CEP131: variants seen among roughly 807,000 people sequenced by gnomAD.
CEP131 encodes the protein centrosomal protein 131.
A neutral mutation model predicts 136.8 loss-of-function variants in CEP131; 99 were observed. The observed-to-expected ratio is 0.72, with a 90% CI of 0.62 to 0.86. The LOEUF (loss-of-function observed/expected upper bound fraction) is 0.86, where lower values mean the gene tolerates loss of function less well. CEP131 is among the 40% of genes least tolerant of loss of function. The pLI is 0.00. For missense variants in CEP131, 1,459 were observed against 1,463.0 expected (o/e 1.00, Z 0.04); for synonymous variants, 646 against 612.7 (o/e 1.05, Z -0.80).
chr17:81,198,501 G>T (rs566313151), intron 11 of CEP131, among the ~76,000 whole-genome samples: 4 of 152,166 alleles, frequency 2.6e-5, no homozygotes, highest in Non-Finnish European at 5.9e-5. Context: ...CAGCCACCAG[G>T]GGACTCCTCC....
chr17:81,204,974 T>C (rs1417660442), intron 5 of CEP131, among the ~76,000 whole-genome samples: 1 of 152,176 alleles, frequency 6.6e-6, no homozygotes, highest in African/African-American at 2.4e-5. Context: ...AATAAAACAC[T>C]AAATGGCCGG....
At position 81,208,197 on chromosome 17, in the gene CEP131, AG is replaced by A. The variant is rs1470162009; in HGVS notation, c.272+730del. Among the ~76,000 whole-genome samples, 1 of 151,496 alleles carries A rather than the reference AG, an allele frequency of 6.6e-6. No homozygotes were observed. Among genetic ancestry groups the A allele is most frequent in the East Asian group, 2.0e-4 (1 of 5,106 alleles). On this transcript the variant is annotated intron_variant, in intron 3 of 25. Transcript: ENST00000450824. The surrounding 1 kb of genome is among the most constrained non-coding windows in gnomAD (Gnocchi z 5.6). The stretch of plus-strand genomic sequence containing the variant: ...TGGGACTCCACGAAGCTAGTTGCTG[AG>A]CTAAGAGCGGCTCCCGGAGGCTGCA...
intron 2 of CEP131, among the ~76,000 whole-genome samples, chr17:81,216,581 G>A (rs890575717): frequency 1.3e-5 from 2 of 152,148 alleles, no homozygotes; most frequent in Non-Finnish European, 2.9e-5. Context: ...TGACGGATAC[G>A]GCACTTGTTC....
chr17:81,203,359 G>C lies in CEP131; in HGVS notation c.629+135C>G, dbSNP rs112122959. 2.9e-6 allele frequency: 2 copies of C among 685,702 alleles called. No individual in the cohort carries two copies. Among genetic ancestry groups the C allele is most frequent in the Non-Finnish European group, 5.0e-6 (2 of 403,260 alleles). The allele number at this position is 685,702 out of a possible 1,614,324, so 42.5% of individuals were successfully genotyped here. A position where few individuals can be genotyped will look rare whatever the true frequency, so the allele number is the denominator to read the frequency against. On this transcript the variant is annotated intron_variant, in intron 6 of 25. Coordinates refer to ENST00000450824, the MANE Select transcript of CEP131 (RefSeq NM_014984.4). The surrounding 1 kb of genome is among the most constrained non-coding windows in gnomAD (Gnocchi z 4.6). The stretch of plus-strand genomic sequence containing the variant: ...AGGTTGGACCCCATGCACACTGACC[G>C]CATGCCCTGACCAAGGTAGAACCCT...
intron 2 of CEP131, among the ~76,000 whole-genome samples, chr17:81,212,253 C>T (rs1203531489): frequency 2.7e-5 from 4 of 146,126 alleles, no homozygotes; most frequent in East Asian, 4.1e-4. Flanking sequence ...AACTGGGAGG[C>T]GGAGGTTGCA....
Position 81,208,853 on chromosome 17 carries a change from G to A in CEP131, c.272+75C>T. 8.6e-7 allele frequency: 1 copy of A among 1,168,530 alleles called. No homozygotes were observed. Among genetic ancestry groups the A allele is most frequent in the Non-Finnish European group, 1.3e-6 (1 of 794,092 alleles). 72.4% of individuals were successfully genotyped at this position (1,168,530 alleles called of 1,614,324 possible). ...CTGGAGGAAGGGCAGAGCAGAGGCAGGGAGGAGCAGGCCAGGGTGGGGCAC... is the reference window on the plus strand; with the variant it reads ...CTGGAGGAAGGGCAGAGCAGAGGCAAGGAGGAGCAGGCCAGGGTGGGGCAC... On this transcript the variant is annotated intron_variant, in intron 3 of 25. Transcript: ENST00000450824. This position sits in a 1 kb window ranked among gnomAD's most constrained non-coding sequence, Gnocchi z 5.6.
chr17:81,196,304 C>T (rs561858204), intron 15 of CEP131, among the ~76,000 whole-genome samples: 2 of 152,316 alleles, frequency 1.3e-5, no homozygotes, highest in African/African-American at 4.8e-5. Flanking sequence ...GTCAGGACCA[C>T]ACCAGCCTCA....
intron 11 of CEP131, 90 bp downstream of exon 11, chr17:81,198,787 T>C: frequency 7.6e-7 from 1 of 1,321,790 alleles, no homozygotes; most frequent in Non-Finnish European, 1.1e-6. Flanking sequence ...GAGGAGGGGC[T>C]GGGAGAAGCT....
In CEP131 at chr17:81,201,681, T is replaced by A. The variant is rs142410867; in HGVS notation, c.788+559A>T. Among the ~76,000 whole-genome samples the A allele has an allele frequency of 3.3e-3, 497 of 152,270 alleles. 4 individuals carry two copies. The highest frequency in any genetic ancestry group is 0.012 in the African/African-American group (479 of 41,536). The stretch of plus-strand genomic sequence containing the variant: ...TCAGCACAGTGCAGTTCTGGAATGT[T>A]CCACTGCCCCTGGAGGAGCCCTCTC... On this transcript the variant is annotated intron_variant, in intron 7 of 25. Transcript: ENST00000450824.
At chr17:81,202,722 G>A (rs1465333045) in intron 6 of CEP131, among the ~76,000 whole-genome samples, 4 of 152,192 alleles carry the variant, frequency 2.6e-5, no homozygotes. Context: ...AGCACTTTGG[G>A]AGGCCAAAGC....
chr17:81,221,071 G>A (rs112109617), intron 1 of CEP131, among the ~76,000 whole-genome samples: 18 of 138,040 alleles, frequency 1.3e-4, no homozygotes, highest in African/African-American at 3.7e-4. Flanking sequence ...TTTACAGTGA[G>A]CCAAGATCGT....
intron 15 of CEP131, 144 bp from the exon 16 acceptor site, chr17:81,196,095 T>G (rs2146531439): frequency 1.6e-6 from 1 of 617,286 alleles, no homozygotes; most frequent in Non-Finnish European, 2.8e-6. Context: ...GGATGGACCC[T>G]GGGGCCAGTG....
chr17:81,197,593 C>G (rs925734040), intron 13 of CEP131, 119 bp downstream of exon 13: 5 of 1,422,170 alleles, frequency 3.5e-6, no homozygotes, highest in African/African-American at 1.4e-5. Flanking sequence ...GGCGAGAGAC[C>G]TCCTCCCCCT....
intron 5 of CEP131, among the ~76,000 whole-genome samples, chr17:81,206,118 G>A (rs2062004197): frequency 1.3e-5 from 2 of 152,034 alleles, no homozygotes; most frequent in South Asian, 2.1e-4. Context: ...GGAGGCTGAG[G>A]CTGGAGAATC....
chr17:81,212,281 T>G (rs1486465319), intron 2 of CEP131, among the ~76,000 whole-genome samples: 3 of 143,128 alleles, frequency 2.1e-5, no homozygotes, highest in East Asian at 4.1e-4. Context: ...GAGATTGCGC[T>G]ACTGCACTCC....
intron 4 of CEP131, 119 bp from the exon 5 acceptor site, chr17:81,206,990 G>A (rs2062021695): frequency 6.5e-7 from 1 of 1,528,172 alleles, no homozygotes. Context: ...TGGATGTCCT[G>A]GGGTCTGCCA....
At position 81,208,388 on chromosome 17, in the gene CEP131, C is replaced by T. The variant is rs1483148192; in HGVS notation, c.272+540G>A. ...GGAGGTGGTGTCAGGACCTCGCCCA[C>T]CACTCTGGGCTAGAGGATGTCCCCC... On this transcript the variant is annotated intron_variant, in intron 3 of 25. Transcript: ENST00000450824. This position sits in a 1 kb window ranked among gnomAD's most constrained non-coding sequence, Gnocchi z 5.6. Among the ~76,000 whole-genome samples, 1 of 152,200 alleles carries T rather than the reference C, an allele frequency of 6.6e-6. No homozygotes were observed. The highest frequency in any genetic ancestry group is 1.5e-5 in the Non-Finnish European group (1 of 68,032).
At chr17:81,196,903 C>T (rs534859132) in intron 14 of CEP131, 27 bp downstream of exon 14, 51 of 1,607,522 alleles carry the variant, frequency 3.2e-5, no homozygotes, top group South Asian at 1.9e-4. Flanking sequence ...TAGCAGGGCC[C>T]GGGATTAGCA....
Position 81,199,847 on chromosome 17 carries a change from G to T in CEP131, c.907-12C>A. 6.2e-7 allele frequency: 1 copy of T among 1,609,474 alleles called. No individual in the cohort carries two copies. On this transcript the variant is annotated splice_polypyrimidine_tract_variant and intron_variant, in intron 8 of 25. Coordinates refer to ENST00000450824, the MANE Select transcript of CEP131 (RefSeq NM_014984.4). ...CGCTGCCGCTGCTCCTGCCAAAGAAGCCGGTGCCATGTGGCGTTTACATCT... is the reference window on the plus strand; with the variant it reads ...CGCTGCCGCTGCTCCTGCCAAAGAATCCGGTGCCATGTGGCGTTTACATCT...
Sources: allele counts gnomAD v4.1 joint callset (sites outside exome capture counted in the v4.1 genomes callset), GRCh38; gene constraint gnomAD v4.1.1; non-coding constraint Gnocchi (gnomAD v3.1); transcripts MANE v1.5; gene names NCBI Gene and HGNC (gene_info 2026-07-23, HGNC 2026-07-21).